Variants in MCC observed in about 807,000 individuals in gnomAD.
The protein encoded by MCC is MCC regulator of Wnt signaling pathway, also known as colorectal mutant cancer protein.
In MCC, 90 loss-of-function variants were observed where a neutral mutation model predicts 116.2. The observed-to-expected ratio is 0.77, with a 90% CI of 0.65 to 0.92. MCC has a LOEUF of 0.92. Ranked by LOEUF, MCC falls within the 40% of genes least tolerant of loss-of-function variation. The pLI, the probability that MCC is intolerant of heterozygous loss-of-function variation, is 0.00. For missense variants in MCC, 1,516 were observed against 1,312.2 expected (o/e 1.16, Z -2.40); for synonymous variants, 578 against 510.5 (o/e 1.13, Z -1.78).
intron 16 of MCC, among the ~76,000 whole-genome samples, chr5:113,046,631 C>T (rs1752090794): frequency 7.1e-6 from 1 of 141,194 alleles, no homozygotes; most frequent in Non-Finnish European, 1.5e-5. Flanking sequence ...ACCCCAAGAA[C>T]ACACACAAAC....
At chr5:113,143,785 T>C (rs1759333515) in intron 4 of MCC, among the ~76,000 whole-genome samples, 1 of 152,210 alleles carries the variant, frequency 6.6e-6, no homozygotes, top group African/African-American at 2.4e-5. Flanking sequence ...GCATCTCTCT[T>C]AGTTCCTGCT....
At chr5:113,270,767 T>C (rs1261972229) in intron 3 of MCC, among the ~76,000 whole-genome samples, 2 of 151,486 alleles carry the variant, frequency 1.3e-5, no homozygotes, top group African/African-American at 2.4e-5. Flanking sequence ...TATCCCTAAC[T>C]TCCATGCATG....
intron 1 of MCC, among the ~76,000 whole-genome samples, chr5:113,457,338 C>G (rs993956727): frequency 6.6e-6 from 1 of 152,242 alleles, no homozygotes; most frequent in Non-Finnish European, 1.5e-5. Flanking sequence ...GCCAGCCCAC[C>G]GTTGCTGCTC....
chr5:113,400,519 G>C (rs1469410169), intron 1 of MCC, among the ~76,000 whole-genome samples: 1 of 152,102 alleles, frequency 6.6e-6, no homozygotes, highest in Non-Finnish European at 1.5e-5. Flanking sequence ...CTTTAAATCA[G>C]TAAATTAACA....
intron 1 of MCC, among the ~76,000 whole-genome samples, chr5:113,468,032 G>C (rs901247892): frequency 1.3e-5 from 2 of 152,178 alleles, no homozygotes; most frequent in Non-Finnish European, 1.5e-5. Flanking sequence ...CATTGATTTT[G>C]TATCCTGAGA....
At chr5:113,190,111 C>A (rs570629867) in intron 3 of MCC, among the ~76,000 whole-genome samples, 4 of 152,352 alleles carry the variant, frequency 2.6e-5, no homozygotes, top group African/African-American at 4.8e-5. Flanking sequence ...TCTATAAGGT[C>A]CCCTTATTTC....
chr5:113,119,134 T>A (rs184833969), intron 6 of MCC, among the ~76,000 whole-genome samples: 10 of 152,236 alleles, frequency 6.6e-5, no homozygotes, highest in Admixed American at 2.6e-4. Context: ...GCTCAAGTAT[T>A]TGAGTATCTC....
chr5:113,261,458 T>A (rs1405019394), intron 3 of MCC, among the ~76,000 whole-genome samples: 1 of 152,156 alleles, frequency 6.6e-6, no homozygotes, highest in African/African-American at 2.4e-5. Flanking sequence ...TTCAAGAAGT[T>A]TGCCCACCTT....
intron 1 of MCC, among the ~76,000 whole-genome samples, chr5:113,466,178 T>A (rs1242282032): frequency 6.6e-6 from 1 of 151,768 alleles, no homozygotes; most frequent in Non-Finnish European, 1.5e-5. Context: ...ATTCTTTTTT[T>A]TTTTTAATTT....
chr5:113,081,629 C>G (rs912646118), intron 11 of MCC, among the ~76,000 whole-genome samples: 6 of 152,146 alleles, frequency 3.9e-5, no homozygotes, highest in African/African-American at 1.2e-4. Context: ...AAGGGCATAT[C>G]TGATTCAATT....
Position 113,049,091 on chromosome 5 carries a change from A to C in MCC, c.2655+2T>G. 6.2e-7 allele frequency: 1 copy of C among 1,614,102 alleles called. No homozygotes were observed. Among genetic ancestry groups the C allele is most frequent in the South Asian group, 1.1e-5 (1 of 91,076 alleles). ...GGTGTCCCCAAGCCACTCCGGCCCT[A>C]CCTTGCCAGGTTTGTCTTTGCTGCC... is the stretch of plus-strand genomic sequence containing the variant. On this transcript the variant is annotated splice_donor_variant, in intron 16 of 18. Transcript: ENST00000408903. LOFTEE classifies it high-confidence loss of function.
intron 1 of MCC, among the ~76,000 whole-genome samples, chr5:113,458,032 C>T (rs1412915283): frequency 6.6e-6 from 1 of 152,126 alleles, no homozygotes; most frequent in Non-Finnish European, 1.5e-5. Flanking sequence ...TGTAAACGCA[C>T]CAATCAGCAC....
intron 10 of MCC, 91 bp downstream of exon 10, chr5:113,084,010 A>T (rs933212836): frequency 3.2e-5 from 31 of 960,240 alleles, no homozygotes; most frequent in Non-Finnish European, 4.8e-5. Flanking sequence ...TTTATTGGAG[A>T]TAGACTTTGG....
chr5:113,340,592 A>G lies in MCC; in HGVS notation c.554T>C (p.Leu185Pro). 1 of 1,614,140 alleles carries G rather than the reference A, an allele frequency of 6.2e-7. No homozygotes were observed. Among genetic ancestry groups the G allele is most frequent in the Middle Eastern group, 1.7e-4 (1 of 6,058 alleles). ...GGSSLHQQAA[L>P]HKLLTQSPHI... ...CGGGGACTGTGTGAGCAGTTTGTGG[A>G]GAGCAGCCTGCTGATGCAAAGAGCT... Residue 185 changes from leucine to proline, a missense_variant, in exon 3 of 19, where the codon CTC becomes CCC. Coordinates refer to ENST00000408903, the MANE Select transcript of MCC (RefSeq NM_001085377.2).
chr5:113,387,133 C>T (rs1375784547), intron 1 of MCC, among the ~76,000 whole-genome samples: 1 of 152,046 alleles, frequency 6.6e-6, no homozygotes, highest in Non-Finnish European at 1.5e-5. Context: ...AGCCATTATC[C>T]CTGTATCTAG....
chr5:113,292,577 GC>G (rs1581375844), intron 3 of MCC, among the ~76,000 whole-genome samples: 1 of 148,262 alleles, frequency 6.7e-6, no homozygotes, highest in East Asian at 2.0e-4. Flanking sequence ...ATACAACTAG[GC>G]AAAAAAAATG....
At chr5:113,254,919 C>A (rs930781185) in intron 3 of MCC, among the ~76,000 whole-genome samples, 1 of 152,156 alleles carries the variant, frequency 6.6e-6, no homozygotes, top group Admixed American at 6.6e-5. Context: ...AATCCCAGCA[C>A]TTTGGGAGGC....
At chr5:113,288,623 T>C (rs997299220) in intron 3 of MCC, among the ~76,000 whole-genome samples, 4 of 152,226 alleles carry the variant, frequency 2.6e-5, no homozygotes, top group Admixed American at 2.0e-4. Flanking sequence ...TATCTGGGTA[T>C]TGCATAGGGA....
chr5:113,068,632 T>C (rs908289908), intron 12 of MCC, among the ~76,000 whole-genome samples: 3 of 152,188 alleles, frequency 2.0e-5, no homozygotes, highest in Non-Finnish European at 4.4e-5. Flanking sequence ...AACCCTGACT[T>C]CCATCTTGGT....
Sources: gnomAD v4.1 joint callset for allele counts (sites outside exome capture counted in the v4.1 genomes callset) on GRCh38, gnomAD v4.1.1 for gene constraint, MANE v1.5 for transcripts, NCBI Gene and HGNC (gene_info 2026-07-23, HGNC 2026-07-21) for gene names.